The following LARGE1 variants were observed in gnomAD, a reference collection of about 807,000 sequenced individuals.
LARGE1 encodes the protein xylosyl- and glucuronyltransferase LARGE1.
Under a neutral mutation model 87.6 loss-of-function variants are expected in LARGE1, and 43 were observed. The ratio of observed to expected loss-of-function variants is 0.49; its 90% CI spans 0.38 to 0.63. The LOEUF is 0.63. Among genes scored for constraint, LARGE1 ranks in the 30% least tolerant of loss-of-function variants. LARGE1 has a pLI of 0.00. For synonymous variants in LARGE1, 434 were observed against 394.6 expected, an observed-to-expected ratio of 1.10 and a Z score of -1.18; for missense variants, 802 against 1,000.2, an observed-to-expected ratio of 0.80 and a Z score of 2.67.
chr22:33,650,561 C>A lies in LARGE1; in HGVS notation c.214G>T (p.Val72Leu). 6.2e-7 allele frequency: 1 copy of A among 1,608,382 alleles called. No homozygotes were observed. The highest frequency in any genetic ancestry group is 8.5e-7 in the Non-Finnish European group (1 of 1,179,928). ...RESLEVRMREVEEENRALRRQ... is the reference protein window; with the variant it reads ...RESLEVRMRELEEENRALRRQ... Reference sequence around the variant, plus strand: ...CGGAGGGCGCGGTTCTCCTCCTCCACCTCGCGCATGCGCACCTCCAGGCTC... The same window carrying A: ...CGGAGGGCGCGGTTCTCCTCCTCCAACTCGCGCATGCGCACCTCCAGGCTC... The change falls in exon 3 of 15, where the codon GTG (valine) becomes TTG (leucine). Residue 72 changes from valine to leucine, a missense_variant. Transcript: ENST00000397394.
chr22:33,259,793 A>G (rs1467064419), intron 11 of LARGE1, among the ~76,000 whole-genome samples: 1 of 152,178 alleles, frequency 6.6e-6, no homozygotes, highest in Non-Finnish European at 1.5e-5. Context: ...CAGGAGTGCC[A>G]TTCTTAAGCC....
At chr22:33,909,096 C>T (rs1284132563) in intron 1 of LARGE1, among the ~76,000 whole-genome samples, 1 of 152,188 alleles carries the variant, frequency 6.6e-6, no homozygotes, top group Non-Finnish European at 1.5e-5. Flanking sequence ...TGTATTTTCA[C>T]CAAAGCTCTA....
At chr22:33,592,808 TTTTC>T (rs1309786635) in intron 5 of LARGE1, among the ~76,000 whole-genome samples, 2 of 151,692 alleles carry the variant, frequency 1.3e-5, no homozygotes, top group Non-Finnish European at 2.9e-5. Context: ...CTTGTGTATA[TTTTC>T]TTTTTTTTTC....
At chr22:33,571,465 A>C (rs752112856) in intron 5 of LARGE1, among the ~76,000 whole-genome samples, 15 of 152,158 alleles carry the variant, frequency 9.9e-5, no homozygotes, top group Non-Finnish European at 7.3e-5. Flanking sequence ...CCCAAAACAC[A>C]GGGGATGGAG....
intron 11 of LARGE1, among the ~76,000 whole-genome samples, chr22:33,266,875 AAAAG>A (rs1927976335): frequency 6.6e-6 from 1 of 151,604 alleles, no homozygotes; most frequent in Non-Finnish European, 1.5e-5. Flanking sequence ...GGAAAAAAAA[AAAAG>A]AGTTTGATTT....
At chr22:33,179,531 C>G (rs576941866) in intron 11 of LARGE1, among the ~76,000 whole-genome samples, 2 of 152,310 alleles carry the variant, frequency 1.3e-5, no homozygotes, top group African/African-American at 4.8e-5. Flanking sequence ...CAGAGCAGTA[C>G]AAGACGCATA....
At position 33,272,953 on chromosome 22, in the gene LARGE1, G is replaced by T. The variant is rs1350345602; in HGVS notation, c.*1474C>A. The T allele has an allele frequency of 1.3e-5, 2 of 154,266 alleles. No individual in the cohort carries two copies. Among genetic ancestry groups the T allele is most frequent in the African/African-American group, 4.8e-5 (2 of 41,546 alleles). The allele number at this position is 154,266 out of a possible 1,614,324, so 9.6% of individuals were successfully genotyped here. On this transcript the variant is annotated 3_prime_UTR_variant, in exon 15 of 15. Transcript: ENST00000397394. ...GCAAAAGGGGAAAAAAAAGGCTAAA[G>T]TTCAAATGATGAGAAAAATAGAATG...
intron 7 of LARGE1, among the ~76,000 whole-genome samples, chr22:33,388,588 CAG>C (rs1473031128): frequency 6.6e-6 from 1 of 151,686 alleles, no homozygotes; most frequent in Non-Finnish European, 1.5e-5. Context: ...TTTTTTTAGA[CAG>C]AGTCTTGCTC....
chr22:33,684,721 T>A (rs1425531987), intron 2 of LARGE1, among the ~76,000 whole-genome samples: 1 of 152,106 alleles, frequency 6.6e-6, no homozygotes, highest in African/African-American at 2.4e-5. Flanking sequence ...TGAGAACTCA[T>A]TCTAAAGCTC....
intron 9 of LARGE1, among the ~76,000 whole-genome samples, chr22:33,367,216 T>C (rs527345747): frequency 6.4e-4 from 97 of 152,292 alleles, no homozygotes; most frequent in Middle Eastern, 3.4e-3. Flanking sequence ...AGAAGTCACT[T>C]GCTCAAAAAC....
chr22:33,725,339 G>T (rs1274323744), intron 2 of LARGE1, among the ~76,000 whole-genome samples: 1 of 152,230 alleles, frequency 6.6e-6, no homozygotes, highest in Non-Finnish European at 1.5e-5. Flanking sequence ...GCCTCGGCCG[G>T]TATTCTGAAT....
chr22:33,506,512 C>A (rs1346025686), intron 6 of LARGE1, among the ~76,000 whole-genome samples: 7 of 152,174 alleles, frequency 4.6e-5, no homozygotes, highest in Non-Finnish European at 5.9e-5. Flanking sequence ...GATGACTCTG[C>A]ATGGTCACAG....
chr22:33,250,406 C>T (rs1232216133), intron 11 of LARGE1, among the ~76,000 whole-genome samples: 1 of 152,164 alleles, frequency 6.6e-6, no homozygotes, highest in Non-Finnish European at 1.5e-5. Context: ...TTATTAGTTC[C>T]ATGCGTTTTT....
chr22:33,264,582 C>T (rs548268374), intron 11 of LARGE1, among the ~76,000 whole-genome samples: 1 of 152,278 alleles, frequency 6.6e-6, no homozygotes, highest in South Asian at 2.1e-4. Context: ...TCACCTGAAC[C>T]CGGGAGGTGG....
intron 7 of LARGE1, among the ~76,000 whole-genome samples, chr22:33,428,353 G>A (rs1487796272): frequency 1.4e-5 from 2 of 144,006 alleles, no homozygotes; most frequent in East Asian, 2.0e-4. Context: ...GTCTCAGTCT[G>A]TCGCCCAGCT....
intron 2 of LARGE1, among the ~76,000 whole-genome samples, chr22:33,686,239 C>A (rs1393879477): frequency 6.6e-6 from 1 of 152,002 alleles, no homozygotes; most frequent in Non-Finnish European, 1.5e-5. Context: ...TCCCTGTGAA[C>A]TGGAGCTTAG....
At chr22:33,819,220 T>C (rs2086747615) in intron 1 of LARGE1, among the ~76,000 whole-genome samples, 1 of 151,856 alleles carries the variant, frequency 6.6e-6, no homozygotes. Context: ...CTTTTGTCAG[T>C]CCCATCATCA....
At chr22:33,678,824 C>T (rs999853349) in intron 2 of LARGE1, among the ~76,000 whole-genome samples, 1 of 151,976 alleles carries the variant, frequency 6.6e-6, no homozygotes, top group African/African-American at 2.4e-5. Flanking sequence ...ATGCGATGGT[C>T]AAGACACTGT....
At chr22:33,403,209 G>A (rs561134660) in intron 7 of LARGE1, among the ~76,000 whole-genome samples, 14 of 152,178 alleles carry the variant, frequency 9.2e-5, no homozygotes, top group Non-Finnish European at 1.5e-4. Context: ...TTCCTGCACG[G>A]TATGTGCCAT....
Sources: gnomAD v4.1 joint callset for allele counts (sites outside exome capture counted in the v4.1 genomes callset) on GRCh38, gnomAD v4.1.1 for gene constraint, MANE v1.5 for transcripts, NCBI Gene and HGNC (gene_info 2026-07-23, HGNC 2026-07-21) for gene names.